Variants in NCL observed in about 807,000 individuals in gnomAD.
NCL encodes nucleolin multifunctional protein.
Under a neutral mutation model 77.7 loss-of-function variants are expected in NCL, and 4 were observed. The ratio of observed to expected loss-of-function variants is 0.05; its 90% CI spans 0.03 to 0.12. NCL has a LOEUF of 0.12. NCL is among the 10% of genes least tolerant of loss of function. NCL has a pLI of 1.00. For synonymous variants in NCL, 344 were observed against 297.8 expected (o/e 1.16, Z -1.60); for missense variants, 763 against 860.9 (o/e 0.89, Z 1.42).
intron 7 of NCL, 73 bp from the exon 8 acceptor site, chr2:231,458,462 G>A: frequency 1.3e-6 from 2 of 1,534,606 alleles, no homozygotes; most frequent in East Asian, 2.3e-5. Flanking sequence ...AAAAAGAGGG[G>A]AAAAACACAC....
Position 231,458,592 on chromosome 2 carries a change from ACT to A in NCL, c.1166-205_1166-204del, listed in dbSNP as rs577477636. On this transcript the variant is annotated intron_variant, in intron 7 of 13. Coordinates refer to ENST00000322723, the MANE Select transcript of NCL (RefSeq NM_005381.3). ...TCCATGTTGTCACAGCTGATGTCAA[ACT>A]CTCTGTTAGGTACACTGGAGTTCAA... The A allele has an allele frequency of 1.3e-3, 878 of 653,892 alleles. 4 individuals carry two copies. The highest frequency in any genetic ancestry group is 2.9e-3 in the Middle Eastern group (7 of 2,414). The allele number at this position is 653,892 out of a possible 1,614,324, so 40.5% of individuals were successfully genotyped here.
In NCL at chr2:231,460,680, T is replaced by C; in HGVS notation, c.800A>G (p.Glu267Gly). Residue 267 changes from glutamate to glycine, a missense_variant, in exon 4 of 14, where the codon GAG (glutamate) becomes GGG (glycine). Glu to Gly is a moderately conservative substitution (Grantham distance 98, BLOSUM62 -2). Coordinates refer to ENST00000322723, the MANE Select transcript of NCL (RefSeq NM_005381.3). ...TCTAATTTAAGTACCTTCCTCCTCC[T>C]CTTCTTCCTCCTCCTCATCATCTTC... ...DDEDDEEEEEEEEEEPVKEAP... is the reference protein window; with the variant it reads ...DDEDDEEEEEGEEEEPVKEAP... The C allele has an allele frequency of 6.2e-7, 1 of 1,612,768 alleles. No homozygotes were observed. The highest frequency in any genetic ancestry group is 8.5e-7 in the Non-Finnish European group (1 of 1,179,376).
intron 11 of NCL, 22 bp downstream of exon 11, chr2:231,456,609 C>G (rs1267722698): frequency 1.2e-6 from 2 of 1,613,738 alleles, no homozygotes; most frequent in Non-Finnish European, 1.7e-6. Flanking sequence ...CCAACCACAG[C>G]ACCCTAACCA....
chr2:231,460,017 A>T, intron 6 of NCL, 135 bp downstream of exon 6: 1 of 1,022,844 alleles, frequency 9.8e-7, no homozygotes. Context: ...ATTCTAACTT[A>T]GTTCACTAAT....
Position 231,464,431 on chromosome 2 carries a change from G to A in NCL, c.-78C>T, listed in dbSNP as rs2046981460. ...CCAAGCGACGGCGATGGCGGCCGCGGGTGCTGAAGATCCCGGAGCACGTAC... is the reference window on the plus strand; with the variant it reads ...CCAAGCGACGGCGATGGCGGCCGCGAGTGCTGAAGATCCCGGAGCACGTAC... On this transcript the variant is annotated 5_prime_UTR_variant, in exon 1 of 14. Coordinates refer to ENST00000322723, the MANE Select transcript of NCL (RefSeq NM_005381.3). 1.9e-6 allele frequency: 3 copies of A among 1,548,350 alleles called. No homozygotes were observed. The highest frequency in any genetic ancestry group is 1.2e-5 in the South Asian group (1 of 85,020).
chr2:231,460,727 TTCGTCG>T lies in NCL; in HGVS notation c.747_752del (p.Asp249_Asp250del), dbSNP rs66781921. The T allele has an allele frequency of 6.4e-4, 1,026 of 1,611,652 alleles. 1 individual carries two copies. Among genetic ancestry groups the T allele is most frequent in the Non-Finnish European group, 7.8e-4 (923 of 1,177,832 alleles). On this transcript the variant is annotated inframe_deletion, in exon 4 of 14. Coordinates refer to ENST00000322723, the MANE Select transcript of NCL (RefSeq NM_005381.3). ...CTTCATCATCATCATCTTCATCATCTTCGTCGTCGTCGTCATCCTCGTCCTCATCAT... is the reference window on the plus strand; with the variant it reads ...CTTCATCATCATCATCTTCATCATCTTCGTCGTCATCCTCGTCCTCATCAT...
In NCL at chr2:231,454,910, A is replaced by T; in HGVS notation, c.*281T>A. On this transcript the variant is annotated 3_prime_UTR_variant, in exon 14 of 14. Transcript: ENST00000322723. ...CAACAACAAAACCCAAACTATTTGT[A>T]GGAAAAAATGGTTTTGTACATGGGA... 7.5e-6 allele frequency: 2 copies of T among 266,440 alleles called. No individual in the cohort carries two copies. Among genetic ancestry groups the T allele is most frequent in the Non-Finnish European group, 7.1e-6 (1 of 141,394 alleles). The allele number at this position is 266,440 out of a possible 1,614,324, so 16.5% of individuals were successfully genotyped here.
In NCL at chr2:231,464,422, G is replaced by A. The variant is rs928152434; in HGVS notation, c.-69C>T. 50 of 1,561,184 alleles carry A rather than the reference G, an allele frequency of 3.2e-5. No homozygotes were observed. Among genetic ancestry groups the A allele is most frequent in the Middle Eastern group, 1.7e-4 (1 of 6,008 alleles). On this transcript the variant is annotated 5_prime_UTR_variant, in exon 1 of 14. Transcript: ENST00000322723. ...CAGAAGAAGCCAAGCGACGGCGATG[G>A]CGGCCGCGGGTGCTGAAGATCCCGG...
chr2:231,457,132 T>G lies in NCL; in HGVS notation c.1448-8A>C. The G allele has an allele frequency of 1.2e-6, 2 of 1,613,622 alleles. No homozygotes were observed. The highest frequency in any genetic ancestry group is 2.2e-5 in the South Asian group (2 of 90,998). On this transcript the variant is annotated splice_region_variant and splice_polypyrimidine_tract_variant and intron_variant, in intron 9 of 13. Transcript: ENST00000322723. Reference sequence around the variant, plus strand: ...CCAGAGTTTTTGATTCACCTGCAAATAGAGATGCCACATTCCTAAGACTCT... The same window carrying G: ...CCAGAGTTTTTGATTCACCTGCAAAGAGAGATGCCACATTCCTAAGACTCT...
At chr2:231,457,462 CTCAT>C in intron 9 of NCL, 177 bp downstream of exon 9, 1 of 779,478 alleles carries the variant, frequency 1.3e-6, no homozygotes, top group Non-Finnish European at 2.2e-6. Flanking sequence ...TTTTAGAGCT[CTCAT>C]TCAAGATTGG....
intron 9 of NCL, 170 bp from the exon 10 acceptor site, chr2:231,457,294 T>C: frequency 1.1e-6 from 1 of 937,736 alleles, no homozygotes. Context: ...ACCTAGTACG[T>C]GTTGCAATGT....
chr2:231,463,450 CAT>C, intron 1 of NCL, 134 bp from the exon 2 acceptor site: 1 of 725,920 alleles, frequency 1.4e-6, no homozygotes, highest in Non-Finnish European at 2.5e-6. Context: ...CCACAACTAA[CAT>C]AGAAACTACT....
rs1325330775 is a variant in NCL at position 231,456,032 on chromosome 2, G to A, written c.1810C>T (p.Arg604Trp). 6 of 1,614,000 alleles carry A rather than the reference G, an allele frequency of 3.7e-6. No individual in the cohort carries two copies. The highest frequency in any genetic ancestry group is 4.2e-6 in the Non-Finnish European group (5 of 1,180,032). ...TACCCTTTGGAGGACCCAGTTTCCCGGTCAGTAACTATCCTTGCCCGAACG... is the reference window on the plus strand; with the variant it reads ...TACCCTTTGGAGGACCCAGTTTCCCAGTCAGTAACTATCCTTGCCCGAACG... ...GSVRARIVTD[R>W]ETGSSKGFGF... The change falls in exon 12 of 14, where the codon CGG becomes TGG. Residue 604 changes from arginine (R) to tryptophan (W), a missense_variant. Arg to Trp is a moderately radical substitution (Grantham distance 101). Coordinates refer to ENST00000322723, the MANE Select transcript of NCL (RefSeq NM_005381.3).
At chr2:231,459,206 G>C (rs550528656) in intron 6 of NCL, 81 bp from the exon 7 acceptor site, 2 of 1,379,216 alleles carry the variant, frequency 1.5e-6, no homozygotes, top group South Asian at 1.7e-5. Context: ...AGACAAATGT[G>C]ATGGTGCAAA....
intron 1 of NCL, chr2:231,463,640 C>G: frequency 3.5e-6 from 1 of 288,914 alleles, no homozygotes; most frequent in Non-Finnish European, 6.5e-6. Flanking sequence ...TTTATTCTAC[C>G]ACCCTCATCT....
At position 231,460,243 on chromosome 2, in the gene NCL, T is replaced by G; in HGVS notation, c.949A>C (p.Asn317His). 3.7e-6 allele frequency: 6 copies of G among 1,614,080 alleles called. No individual in the cohort carries two copies. The highest frequency in any genetic ancestry group is 2.5e-6 in the Non-Finnish European group (3 of 1,180,012). ...FNLFVGNLNF[N>H]KSAPELKTGI... ...GTTTTTAATTCAGGAGCAGATTTGTTAAAGTTTAGGTTTCCAACAAAGAGA... is the reference window on the plus strand; with the variant it reads ...GTTTTTAATTCAGGAGCAGATTTGTGAAAGTTTAGGTTTCCAACAAAGAGA... The change falls in exon 6 of 14, where the codon AAC becomes CAC. Residue 317 changes from asparagine (N) to histidine (H), a missense_variant. Around this residue, in one of 2 missense-constraint regions of NCL, gnomAD observed 590 missense variants for 570.5 expected, o/e 1.03. Transcript: ENST00000322723.
In NCL at chr2:231,458,307, A is replaced by G. The variant is rs1280266084; in HGVS notation, c.1248T>C (p.Ala416=). ...QDELKEVFED[A]AEIRLVSKDG... is the part of the protein sequence containing the mutation. ...CCTTGCTGACTAATCTGATCTCCGC[A>G]GCATCTTCAAACACTTCTTTCAATT... Residue 416 remains alanine (A), a synonymous_variant, in exon 8 of 14, where the codon GCT becomes GCC. Transcript: ENST00000322723. 2.5e-6 allele frequency: 4 copies of G among 1,614,034 alleles called. No individual in the cohort carries two copies. The highest frequency in any genetic ancestry group is 3.4e-6 in the Non-Finnish European group (4 of 1,180,000).
At chr2:231,463,569 A>T in intron 1 of NCL, 1 of 477,580 alleles carries the variant, frequency 2.1e-6, no homozygotes, top group South Asian at 2.6e-5. Context: ...TGAGGAAATG[A>T]TTTCTCCTCC....
intron 6 of NCL, 103 bp from the exon 7 acceptor site, chr2:231,459,228 T>C (rs1199507667): frequency 9.3e-6 from 12 of 1,295,076 alleles, no homozygotes. Context: ...AAAGATCACA[T>C]TTTAAAAAGC....
Sources: allele counts gnomAD v4.1 joint callset, GRCh38; gene constraint gnomAD v4.1.1; regional missense constraint gnomAD v4.1.1; transcripts MANE v1.5; gene names NCBI Gene and HGNC (gene_info 2026-07-23, HGNC 2026-07-21).